The following CNKSR2 variants were observed in gnomAD, a reference collection of about 807,000 sequenced individuals.
CNKSR2 encodes CNK homolog protein 2.
In CNKSR2, 14 loss-of-function variants were observed where a neutral mutation model predicts 84.4. The ratio of observed to expected loss-of-function variants is 0.17; its 90% CI spans 0.11 to 0.26. The LOEUF is 0.26. Among genes scored for constraint, CNKSR2 ranks in the 10% least tolerant of loss-of-function variants. The pLI is 1.00. For missense variants in CNKSR2, 485 were observed against 771.2 expected (o/e 0.63, Z 4.40); for synonymous variants, 275 against 277.9 (o/e 0.99, Z 0.10).
chrX:21,471,855 C>T (rs1471748018), intron 5 of CNKSR2, among the ~76,000 whole-genome samples: 2 of 111,720 alleles, frequency 1.8e-5, no homozygotes, highest in Non-Finnish European at 3.8e-5. Context: ...AACTCCCTCA[C>T]GTTGATCTAC....
At chrX:21,418,000 C>T (rs2090445458) in intron 1 of CNKSR2, among the ~76,000 whole-genome samples, 1 of 110,973 alleles carries the variant, frequency 9.0e-6, no homozygotes, top group African/African-American at 3.3e-5. Flanking sequence ...TCTTTCTGTT[C>T]TATCTTCCTT....
At chrX:21,501,713 T>C (rs1309450746) in intron 8 of CNKSR2, 125 bp downstream of exon 8, 4 of 358,881 alleles carry the variant, frequency 1.1e-5, no homozygotes, top group Non-Finnish European at 2.0e-5. Context: ...TTTGAAAAAA[T>C]AACTGAATAT....
intron 8 of CNKSR2, among the ~76,000 whole-genome samples, chrX:21,514,425 A>G (rs2091706267): frequency 8.9e-6 from 1 of 112,004 alleles, no homozygotes; most frequent in Admixed American, 9.5e-5. Context: ...CAGCTGTAAA[A>G]TTAAAATCCA....
chrX:21,443,843 A>G (rs1474850142), intron 4 of CNKSR2, among the ~76,000 whole-genome samples: 1 of 111,629 alleles, frequency 9.0e-6, no homozygotes, highest in Non-Finnish European at 1.9e-5. Context: ...AAACATCAGT[A>G]TTAAAAATTT....
chrX:21,623,138 A>G (rs2092609097), intron 20 of CNKSR2, among the ~76,000 whole-genome samples: 1 of 111,648 alleles, frequency 9.0e-6, no homozygotes, highest in Admixed American at 9.5e-5. Flanking sequence ...AACCCTGATC[A>G]GCCATATTCT....
intron 13 of CNKSR2, among the ~76,000 whole-genome samples, chrX:21,589,212 T>C (rs1312383200): frequency 8.9e-6 from 1 of 112,476 alleles, no homozygotes; most frequent in Non-Finnish European, 1.9e-5. Flanking sequence ...AAGCTTTGTA[T>C]GTCAGCAAAT....
chrX:21,586,587 A>T (rs750599042), intron 13 of CNKSR2, among the ~76,000 whole-genome samples: 37 of 111,995 alleles, frequency 3.3e-4, no homozygotes, highest in African/African-American at 8.4e-4. Context: ...ATACTTTTTT[A>T]AAAAAGGCAA....
At chrX:21,468,581 G>A (rs917837469) in intron 4 of CNKSR2, 4 of 110,576 alleles carry the variant, frequency 3.6e-5, no homozygotes, top group Admixed American at 9.7e-5. Flanking sequence ...CATCTTGTAC[G>A]TTTCCTATTC....
chrX:21,484,821 A>T (rs933941451), intron 5 of CNKSR2, among the ~76,000 whole-genome samples: 1 of 111,822 alleles, frequency 8.9e-6, no homozygotes, highest in African/African-American at 3.3e-5. Flanking sequence ...CTGACATAAG[A>T]GTTTTTTCTG....
intron 11 of CNKSR2, among the ~76,000 whole-genome samples, chrX:21,535,901 A>G (rs780290163): frequency 1.6e-4 from 18 of 111,309 alleles, no homozygotes; most frequent in Non-Finnish European, 2.5e-4. Flanking sequence ...TTCCAGTACT[A>G]TGTTAAATAG....
At chrX:21,597,396 A>T (rs2092456345) in intron 17 of CNKSR2, among the ~76,000 whole-genome samples, 1 of 111,814 alleles carries the variant, frequency 8.9e-6, no homozygotes, top group African/African-American at 3.2e-5. Flanking sequence ...AACATTAAAA[A>T]GGCCGTCTCC....
chrX:21,552,333 A>T (rs935955331), intron 11 of CNKSR2, among the ~76,000 whole-genome samples: 6 of 112,009 alleles, frequency 5.4e-5, no homozygotes, highest in African/African-American at 1.9e-4. Flanking sequence ...TCACATTCAC[A>T]TACTACATCT....
intron 6 of CNKSR2, among the ~76,000 whole-genome samples, chrX:21,497,482 G>A (rs2091512558): frequency 9.0e-6 from 1 of 111,204 alleles, no homozygotes. Context: ...TTTGGGGAGA[G>A]TGAGAGAGTT....
chrX:21,616,507 A>C (rs1157753836), intron 20 of CNKSR2, among the ~76,000 whole-genome samples: 1 of 111,923 alleles, frequency 8.9e-6, no homozygotes, highest in African/African-American at 3.2e-5. Flanking sequence ...TTGTCAAGGA[A>C]AAGCCAGGAC....
intron 4 of CNKSR2, among the ~76,000 whole-genome samples, chrX:21,458,981 A>G (rs1388283971): frequency 9.6e-6 from 1 of 103,891 alleles, no homozygotes; most frequent in Non-Finnish European, 2.0e-5. Context: ...TAAGCAGCTC[A>G]TGTCAACATT....
At position 21,399,551 on chromosome X, in the gene CNKSR2, G is replaced by A. The variant is rs144938265; in HGVS notation, c.64+24590G>A. Among the ~76,000 whole-genome samples, 1,071 of 111,417 alleles carry A rather than the reference G, an allele frequency of 9.6e-3. 11 individuals are homozygous for A. The highest frequency in any genetic ancestry group is 0.031 in the African/African-American group (965 of 30,771). On this transcript the variant is annotated intron_variant, in intron 1 of 21. Transcript: ENST00000379510. ...ATAGTAAAATAAAACATGTTGCTAC[G>A]TACTTAGATGTTTTAAAAATTTTCT...
At chrX:21,400,511 C>T (rs887756964) in intron 1 of CNKSR2, among the ~76,000 whole-genome samples, 1 of 111,215 alleles carries the variant, frequency 9.0e-6, no homozygotes, top group African/African-American at 3.3e-5. Context: ...ATAAATATTT[C>T]TCAAATGAAT....
At chrX:21,493,975 A>G (rs2091467456) in intron 6 of CNKSR2, 1 of 111,714 alleles carries the variant, frequency 9.0e-6, no homozygotes, top group African/African-American at 3.3e-5. Context: ...CTTTATGTCT[A>G]TATGTAGATA....
chrX:21,464,038 G>C (rs2091095369), intron 4 of CNKSR2, among the ~76,000 whole-genome samples: 1 of 111,904 alleles, frequency 8.9e-6, no homozygotes, highest in Admixed American at 9.5e-5. Flanking sequence ...CCTAAGAGTT[G>C]CTGTCCTTGT....
Sources: allele counts gnomAD v4.1 joint callset (sites outside exome capture counted in the v4.1 genomes callset), GRCh38; gene constraint gnomAD v4.1.1; transcripts MANE v1.5; gene names NCBI Gene and HGNC (gene_info 2026-07-23, HGNC 2026-07-21).